Variants in LDLRAD3 observed in about 807,000 individuals in gnomAD.
The protein encoded by LDLRAD3 is low-density lipoprotein receptor class A domain-containing protein 3.
LDLRAD3 carries 20 observed loss-of-function variants against 29.4 expected under a neutral mutation model. The observed-to-expected ratio is 0.68, with a 90% confidence interval of 0.48 to 0.99. The LOEUF (loss-of-function observed/expected upper bound fraction) is 0.99. Among genes scored for constraint, LDLRAD3 ranks in the 50% least tolerant of loss-of-function variants. The probability of loss-of-function intolerance (pLI) is 0.00; values close to 1 mark genes in which losing one functional copy is unlikely to be tolerated. For missense variants in LDLRAD3, 420 were observed against 454.3 expected, an observed-to-expected ratio of 0.92 and a Z score of 0.69; for synonymous variants, 157 against 192.7, an observed-to-expected ratio of 0.81 and a Z score of 1.53.
At position 36,232,108 on chromosome 11, in the gene LDLRAD3, C is replaced by T. The variant is rs1488662044; in HGVS notation, c.*2711C>T. The T allele has an allele frequency of 2.0e-5, 3 of 152,120 alleles. No individual in the cohort carries two copies. The highest frequency in any genetic ancestry group is 1.5e-5 in the Non-Finnish European group (1 of 68,016). The allele number at this position is 152,120 out of a possible 1,614,324, so 9.4% of individuals were successfully genotyped here. On this transcript the variant is annotated 3_prime_UTR_variant, in exon 6 of 6. Coordinates refer to ENST00000315571, the MANE Select transcript of LDLRAD3 (RefSeq NM_174902.4). Reference sequence around the variant, plus strand: ...TTGGTTTTGTTTTTTAATTTTTATACTTTCTAATAAATTTGCAGTTTCATT... The same window carrying T: ...TTGGTTTTGTTTTTTAATTTTTATATTTTCTAATAAATTTGCAGTTTCATT...
intron 4 of LDLRAD3, among the ~76,000 whole-genome samples, chr11:36,135,548 C>A (rs1419895459): frequency 6.6e-6 from 1 of 152,176 alleles, no homozygotes. Context: ...GCATGAAAAA[C>A]CCCAGGTAAA....
At chr11:36,055,554 C>G (rs1323447891) in intron 2 of LDLRAD3, among the ~76,000 whole-genome samples, 1 of 152,236 alleles carries the variant, frequency 6.6e-6, no homozygotes, top group African/African-American at 2.4e-5. Context: ...CTTAGCACAG[C>G]CTGGGGGACT....
rs1041543546 is a variant in LDLRAD3, at chr11:36,024,974, G to A, written c.47-11129G>A. Among the ~76,000 whole-genome samples the A allele has an allele frequency of 1.5e-4, 23 of 152,328 alleles. No individual in the cohort carries two copies. In the South Asian group the frequency reaches 2.3e-3, roughly 15 times the overall value. On this transcript the variant is annotated intron_variant, in intron 1 of 5. Transcript: ENST00000315571. ...TGTCATGGCTTAGTAAGTTTGGTGG[G>A]TAAATCTATCTTAGGAGATAACATT...
chr11:36,113,976 C>T (rs1853640313), intron 4 of LDLRAD3, among the ~76,000 whole-genome samples: 1 of 152,162 alleles, frequency 6.6e-6, no homozygotes, highest in African/African-American at 2.4e-5. Flanking sequence ...TCCCAGCCAA[C>T]TTCTGCCATA....
At chr11:36,117,877 A>G (rs1438273873) in intron 4 of LDLRAD3, among the ~76,000 whole-genome samples, 1 of 152,254 alleles carries the variant, frequency 6.6e-6, no homozygotes, top group South Asian at 2.1e-4. Context: ...GAGAGTGGAA[A>G]TAAGTGTAAT....
intron 3 of LDLRAD3, among the ~76,000 whole-genome samples, chr11:36,082,396 C>T (rs772605122): frequency 1.3e-5 from 2 of 152,130 alleles, no homozygotes; most frequent in Non-Finnish European, 2.9e-5. Context: ...CTAGTCCCAG[C>T]TACTCGGGAG....
chr11:36,042,487 G>A (rs951915973), intron 2 of LDLRAD3, among the ~76,000 whole-genome samples: 2 of 152,146 alleles, frequency 1.3e-5, no homozygotes, highest in African/African-American at 4.8e-5. Flanking sequence ...CAACCTGTCA[G>A]TCATTGTGTG....
At chr11:36,168,498 C>CTTTTTTTTTTTTT in intron 4 of LDLRAD3, among the ~76,000 whole-genome samples, 1 of 115,830 alleles carries the variant, frequency 8.6e-6, no homozygotes, top group Non-Finnish European at 1.7e-5. Flanking sequence ...TTTCTTTCTT[C>CTTTTTTTTTTTTT]TTTTTTTTTT....
At chr11:36,111,594 C>CT (rs765774984) in intron 4 of LDLRAD3, among the ~76,000 whole-genome samples, 371 of 141,974 alleles carry the variant, frequency 2.6e-3, no homozygotes, top group Middle Eastern at 3.6e-3. Flanking sequence ...TCTGTTTCAT[C>CT]TTTTTTTTTT....
rs60402803 is a variant in LDLRAD3 at position 36,133,207 on chromosome 11, C to CTTTTTTTT, written c.454+34747_454+34754dup. Among the ~76,000 whole-genome samples, 173 of 146,546 alleles carry CTTTTTTTT rather than the reference C, an allele frequency of 1.2e-3. 4 individuals carry two copies. The highest frequency in any genetic ancestry group is 4.6e-3 in the East Asian group (23 of 5,010). On this transcript the variant is annotated intron_variant, in intron 4 of 5. Transcript: ENST00000315571. The stretch of plus-strand genomic sequence containing the variant: ...AGTCCATTTGTCCATTTTCTTTTTT[C>CTTTTTTTT]TTTTTTTTAGTTGAGATGGGGCCTT...
intron 4 of LDLRAD3, among the ~76,000 whole-genome samples, chr11:36,136,177 G>T (rs1182873242): frequency 6.6e-6 from 1 of 152,154 alleles, no homozygotes; most frequent in African/African-American, 2.4e-5. Flanking sequence ...GCTGCAGGGG[G>T]CATGCTGGCC....
At chr11:36,167,066 A>G (rs147593271) in intron 4 of LDLRAD3, among the ~76,000 whole-genome samples, 1 of 152,338 alleles carries the variant, frequency 6.6e-6, no homozygotes, top group Non-Finnish European at 1.5e-5. Context: ...AATAGGATGT[A>G]GATAGAATGA....
chr11:35,991,805 T>C (rs962735363), intron 1 of LDLRAD3, among the ~76,000 whole-genome samples: 2 of 152,062 alleles, frequency 1.3e-5, no homozygotes, highest in Non-Finnish European at 2.9e-5. Flanking sequence ...CATCAGCTTT[T>C]CGATAGCTAC....
At chr11:36,165,528 A>T (rs554701627) in intron 4 of LDLRAD3, among the ~76,000 whole-genome samples, 1 of 152,246 alleles carries the variant, frequency 6.6e-6, no homozygotes, top group South Asian at 2.1e-4. Flanking sequence ...GTAATTGCCA[A>T]CATAGGATAT....
At chr11:36,172,293 T>A (rs1367276094) in intron 4 of LDLRAD3, among the ~76,000 whole-genome samples, 3 of 152,292 alleles carry the variant, frequency 2.0e-5, no homozygotes, top group Non-Finnish European at 4.4e-5. Flanking sequence ...CAGTTTGACC[T>A]CCTCTTTGAC....
At chr11:36,064,838 T>C (rs1227847806) in intron 2 of LDLRAD3, among the ~76,000 whole-genome samples, 3 of 152,236 alleles carry the variant, frequency 2.0e-5, no homozygotes. Context: ...ACAAATTTCC[T>C]TCTGTTGTTG....
chr11:36,172,969 G>A (rs951115325), intron 4 of LDLRAD3, among the ~76,000 whole-genome samples: 4 of 152,022 alleles, frequency 2.6e-5, no homozygotes, highest in African/African-American at 9.7e-5. Flanking sequence ...GACTTTTTTG[G>A]TTGGCAATTT....
At chr11:36,012,195 A>G (rs262402) in intron 1 of LDLRAD3, among the ~76,000 whole-genome samples, 139,775 of 152,216 alleles carry the variant, frequency 0.92, 65,330 homozygotes, top group East Asian at 1. Context: ...CTGTCAACTG[A>G]AACCTATTTC....
intron 1 of LDLRAD3, among the ~76,000 whole-genome samples, chr11:36,011,943 A>C (rs1851960693): frequency 6.6e-6 from 1 of 152,204 alleles, no homozygotes; most frequent in Non-Finnish European, 1.5e-5. Context: ...GTTTGACTTC[A>C]TAGTCTAACT....
Sources: allele counts gnomAD v4.1 joint callset (sites outside exome capture counted in the v4.1 genomes callset), GRCh38; gene constraint gnomAD v4.1.1; transcripts MANE v1.5; gene names NCBI Gene and HGNC (gene_info 2026-07-23, HGNC 2026-07-21).